MAP3K1: variants seen among roughly 807,000 people sequenced by gnomAD.
MAP3K1 encodes the protein MAP/ERK kinase kinase 1.
In MAP3K1, 36 loss-of-function variants were observed where a neutral mutation model predicts 144.2. The observed-to-expected ratio is 0.25, with a 90% CI of 0.19 to 0.33. The LOEUF (loss-of-function observed/expected upper bound fraction) is 0.33, where lower values mean the gene tolerates loss of function less well. MAP3K1 is among the 10% of genes least tolerant of loss of function. MAP3K1 has a pLI of 1.00. For missense variants in MAP3K1, 1,650 were observed against 1,881.9 expected, an observed-to-expected ratio of 0.88 and a Z score of 2.28; for synonymous variants, 718 against 688.7, an observed-to-expected ratio of 1.04 and a Z score of -0.67.
At chr5:56,850,720 A>G (rs1747143695) in intron 1 of MAP3K1, among the ~76,000 whole-genome samples, 1 of 152,182 alleles carries the variant, frequency 6.6e-6, no homozygotes, top group African/African-American at 2.4e-5. Flanking sequence ...AGCCTCCCCA[A>G]GCCTCCGATG....
At chr5:56,861,379 C>T (rs966498876) in intron 3 of MAP3K1, among the ~76,000 whole-genome samples, 21 of 152,086 alleles carry the variant, frequency 1.4e-4, no homozygotes, top group Admixed American at 5.2e-4. Flanking sequence ...CAAGATCAGC[C>T]TGGCCAACGT....
chr5:56,881,597 C>G lies in MAP3K1; in HGVS notation c.2397C>G (p.Thr799=). ...IRYKKLLSLL[T]FALQSIDNSH... ...ATAAGAAGCTGCTGTCCCTCTTAAC[C>G]TTTGCTTTGCAGTCCATTGATAATT... The change falls in exon 14 of 20, where the codon ACC becomes ACG. Residue 799 remains threonine (T), a synonymous_variant. Coordinates refer to ENST00000399503, the MANE Select transcript of MAP3K1 (RefSeq NM_005921.2). 1.2e-6 allele frequency: 2 copies of G among 1,613,646 alleles called. No homozygotes were observed. The highest frequency in any genetic ancestry group is 1.7e-6 in the Non-Finnish European group (2 of 1,179,764).
intron 1 of MAP3K1, among the ~76,000 whole-genome samples, chr5:56,833,487 C>T (rs939860712): frequency 6.6e-6 from 1 of 152,116 alleles, no homozygotes; most frequent in Non-Finnish European, 1.5e-5. Flanking sequence ...CACTCATGAC[C>T]TCCTGCTGTC....
At chr5:56,827,618 C>G (rs1458802317) in intron 1 of MAP3K1, among the ~76,000 whole-genome samples, 1 of 152,156 alleles carries the variant, frequency 6.6e-6, no homozygotes, top group Non-Finnish European at 1.5e-5. Context: ...AATCCCAGTA[C>G]TTTGGGAGGC....
At chr5:56,846,644 A>G (rs531939737) in intron 1 of MAP3K1, among the ~76,000 whole-genome samples, 2 of 152,290 alleles carry the variant, frequency 1.3e-5, no homozygotes, top group East Asian at 1.9e-4. Context: ...CTGCATGGCT[A>G]TATCTCCATG....
Position 56,815,821 on chromosome 5 carries a change from C to T in MAP3K1, c.248C>T (p.Ser83Leu), listed in dbSNP as rs1237362975. The T allele has an allele frequency of 1.6e-5, 22 of 1,417,300 alleles. No homozygotes were observed. Among genetic ancestry groups the T allele is most frequent in the East Asian group, 6.2e-5 (2 of 32,068 alleles). The allele number at this position is 1,417,300 out of a possible 1,614,324, so 87.8% of individuals were successfully genotyped here. ...GAGCAGCCGCTCTTCCTTGCCGCCT[C>T]ACCGCCGGCCTCCTCGACTTCCCCG... ...LPEQPLFLAA[S>L]PPASSTSPSP... Residue 83 changes from serine (S) to leucine (L), a missense_variant, in exon 1 of 20, where the codon TCA (serine) becomes TTA (leucine). Ser to Leu is a moderately radical substitution (Grantham distance 145, BLOSUM62 -2). Coordinates refer to ENST00000399503, the MANE Select transcript of MAP3K1 (RefSeq NM_005921.2).
rs1332811872 is a variant in MAP3K1 at position 56,882,864 on chromosome 5, G to A, written c.3664G>A (p.Asp1222Asn). The change falls in exon 14 of 20, where the codon GAT (aspartate) becomes AAT (asparagine). Residue 1222 changes from aspartate (D) to asparagine (N), a missense_variant and splice_region_variant. Asp to Asn is a conservative substitution (Grantham distance 23). Transcript: ENST00000399503. ...NGEDIIIIQQ[D>N]TPETLPGHTK... ...AGAAGATATCATCATTATTCAACAG[G>A]ATGTAAGTATAGATTCTTTAAGAGG... is the stretch of plus-strand genomic sequence containing the variant. 1 of 1,606,424 alleles carries A rather than the reference G, an allele frequency of 6.2e-7. No homozygotes were observed. The highest frequency in any genetic ancestry group is 8.5e-7 in the Non-Finnish European group (1 of 1,178,440).
chr5:56,880,202 T>C (rs1479774879), intron 11 of MAP3K1, among the ~76,000 whole-genome samples: 1 of 152,226 alleles, frequency 6.6e-6, no homozygotes, highest in Non-Finnish European at 1.5e-5. Context: ...TTTGTTATGC[T>C]GCTCACTTTT....
rs979285776 is a variant in MAP3K1 at position 56,894,060 on chromosome 5, T to C, written c.*380T>C. The C allele has an allele frequency of 1.7e-5, 6 of 361,790 alleles. No homozygotes were observed. The highest frequency in any genetic ancestry group is 1.2e-4 in the African/African-American group (6 of 49,560). The allele number at this position is 361,790 out of a possible 1,614,324, so 22.4% of individuals were successfully genotyped here. ...ATTTCAATTATTCTTCCATTTCATA[T>C]AGTGATCACAAGCAGGGGGTTCTGC... On this transcript the variant is annotated 3_prime_UTR_variant, in exon 20 of 20. Transcript: ENST00000399503.
At chr5:56,887,738 C>T (rs140236324) in intron 18 of MAP3K1, 211 of 550,480 alleles carry the variant, frequency 3.8e-4, no homozygotes, top group African/African-American at 3.5e-3. Context: ...ATTTACTTAA[C>T]GGCTGTTACT....
In MAP3K1 at chr5:56,845,685, C is replaced by T. The variant is rs146477241; in HGVS notation, c.483-10915C>T. On this transcript the variant is annotated intron_variant, in intron 1 of 19. Coordinates refer to ENST00000399503, the MANE Select transcript of MAP3K1 (RefSeq NM_005921.2). ...TCCTTCTTACTTACTGATCTGTGTT[C>T]AACAATTAGGGAAGAGGATACTCAC... Among the ~76,000 whole-genome samples the T allele has an allele frequency of 6.3e-3, 962 of 152,232 alleles. 4 individuals carry two copies. The highest frequency in any genetic ancestry group is 0.022 in the African/African-American group (895 of 41,534).
intron 1 of MAP3K1, among the ~76,000 whole-genome samples, chr5:56,855,973 G>T (rs1747332224): frequency 6.6e-6 from 1 of 152,124 alleles, no homozygotes; most frequent in African/African-American, 2.4e-5. Flanking sequence ...AACGTTCTTA[G>T]TTTAGAGATT....
chr5:56,831,992 T>C (rs1746507821), intron 1 of MAP3K1, among the ~76,000 whole-genome samples: 1 of 152,190 alleles, frequency 6.6e-6, no homozygotes, highest in Admixed American at 6.5e-5. Context: ...GTCTGACTGC[T>C]TATTGTGGTA....
At chr5:56,832,250 A>C (rs1205652149) in intron 1 of MAP3K1, among the ~76,000 whole-genome samples, 13 of 152,210 alleles carry the variant, frequency 8.5e-5, no homozygotes, top group Admixed American at 8.5e-4. Context: ...ATAGCATTTT[A>C]GAATTCGGAA....
intron 1 of MAP3K1, among the ~76,000 whole-genome samples, chr5:56,829,150 A>G (rs1581209433): frequency 6.7e-6 from 1 of 150,370 alleles, no homozygotes; most frequent in Admixed American, 6.6e-5. Flanking sequence ...CACAGAAACC[A>G]CCTTGCCTAT....
intron 6 of MAP3K1, among the ~76,000 whole-genome samples, chr5:56,868,048 G>A (rs547121873): frequency 1.2e-4 from 18 of 152,220 alleles, no homozygotes; most frequent in Admixed American, 1.0e-3. Context: ...TGTAAAAATC[G>A]GAAGGAATAA....
intron 10 of MAP3K1, among the ~76,000 whole-genome samples, chr5:56,875,577 A>C (rs1434218409): frequency 6.6e-6 from 1 of 152,044 alleles, no homozygotes; most frequent in Non-Finnish European, 1.5e-5. Context: ...TCCAAGGGAG[A>C]GAATATAGTC....
rs773074312 is a variant in MAP3K1 at position 56,856,746 on chromosome 5, C to G, written c.629C>G (p.Pro210Arg). The G allele has an allele frequency of 6.2e-7, 1 of 1,613,886 alleles. No individual in the cohort carries two copies. The highest frequency in any genetic ancestry group is 1.1e-5 in the South Asian group (1 of 91,076). ...EWLERRNRRG[P>R]VVVKPIPVKG... ...TTGGAAAGGAGAAATAGGCGAGGGCCTGTGGTAAGTGGCTATGGGTTACCA... is the reference window on the plus strand; with the variant it reads ...TTGGAAAGGAGAAATAGGCGAGGGCGTGTGGTAAGTGGCTATGGGTTACCA... The change falls in exon 2 of 20, where the codon CCT becomes CGT. Residue 210 changes from proline to arginine, a missense_variant. Physicochemically the swap from Pro to Arg is moderately radical, Grantham distance 103. Transcript: ENST00000399503.
chr5:56,888,665 G>A (rs1257655311), intron 19 of MAP3K1, among the ~76,000 whole-genome samples: 1 of 152,216 alleles, frequency 6.6e-6, no homozygotes, highest in Non-Finnish European at 1.5e-5. Context: ...ACAATCACGA[G>A]AGTGAACAAC....
Sources: allele counts gnomAD v4.1 joint callset (sites outside exome capture counted in the v4.1 genomes callset), GRCh38; gene constraint gnomAD v4.1.1; transcripts MANE v1.5; gene names NCBI Gene and HGNC (gene_info 2026-07-23, HGNC 2026-07-21).